Variants in TENM3 observed in about 807,000 individuals in gnomAD.
TENM3 encodes the protein teneurin transmembrane protein 3.
A neutral mutation model predicts 255.1 loss-of-function variants in TENM3; 63 were observed. The ratio of observed to expected loss-of-function variants is 0.25; its 90% CI spans 0.20 to 0.30. The LOEUF (loss-of-function observed/expected upper bound fraction) is 0.30, where lower values mean the gene tolerates loss of function less well. TENM3 is among the 10% of genes least tolerant of loss of function. The probability of loss-of-function intolerance (pLI) is 1.00; values close to 1 mark genes in which losing one functional copy is unlikely to be tolerated. For synonymous variants in TENM3, 1,306 were observed against 1,322.3 expected, an observed-to-expected ratio of 0.99 and a Z score of 0.27; for missense variants, 2,929 against 3,461.1, an observed-to-expected ratio of 0.85 and a Z score of 3.86.
chr4:181,878,300 AT>A, the TENM3 span, among the ~76,000 whole-genome samples: 2 of 151,588 alleles, frequency 1.3e-5, no homozygotes, highest in Non-Finnish European at 1.5e-5. Context: ...TGATAGAAAA[AT>A]GGGGGGAAAG....
chr4:182,473,761 A>G (rs1351421471), intron 3 of TENM3, among the ~76,000 whole-genome samples: 6 of 152,124 alleles, frequency 3.9e-5, no homozygotes, highest in Non-Finnish European at 2.9e-5. Flanking sequence ...GCTTAAGGCC[A>G]GGGGTTTGGG....
the TENM3 span, among the ~76,000 whole-genome samples, chr4:181,614,696 G>A: frequency 0.025 from 3,737 of 152,296 alleles, 62 homozygotes; most frequent in Admixed American, 0.06. Context: ...AAAATGCACA[G>A]TAGATACCTC....
At chr4:181,660,718 G>A in the TENM3 span, among the ~76,000 whole-genome samples, 1 of 152,058 alleles carries the variant, frequency 6.6e-6, no homozygotes, top group South Asian at 2.1e-4. Flanking sequence ...AAATCATTTG[G>A]TACAAAGCAC....
the TENM3 span, among the ~76,000 whole-genome samples, chr4:181,985,181 A>G: frequency 6.6e-6 from 1 of 151,972 alleles, no homozygotes; most frequent in Admixed American, 6.6e-5. Context: ...GAATGTATAT[A>G]ATTGCATCAT....
At chr4:181,630,661 C>T in the TENM3 span, among the ~76,000 whole-genome samples, 3 of 152,148 alleles carry the variant, frequency 2.0e-5, no homozygotes, top group Non-Finnish European at 2.9e-5. Context: ...GAGTGAGTTT[C>T]TTAATCCTGA....
chr4:182,073,766 T>C, the TENM3 span, among the ~76,000 whole-genome samples: 3 of 152,164 alleles, frequency 2.0e-5, no homozygotes, highest in Admixed American at 2.0e-4. Flanking sequence ...ATCTCAGTCC[T>C]TACCCCAGGG....
intron 4 of TENM3, among the ~76,000 whole-genome samples, chr4:182,621,646 ATAT>A (rs1342764801): frequency 5.3e-5 from 2 of 37,792 alleles, no homozygotes; most frequent in Non-Finnish European, 6.4e-5. Flanking sequence ...TATATAATAC[ATAT>A]TATAATATAT....
chr4:181,582,212 G>T, the TENM3 span, among the ~76,000 whole-genome samples: 2 of 152,164 alleles, frequency 1.3e-5, no homozygotes, highest in East Asian at 3.9e-4. Context: ...TGACTGTTTT[G>T]CTTTGCATAG....
chr4:181,803,326 A>G, the TENM3 span, among the ~76,000 whole-genome samples: 3 of 152,174 alleles, frequency 2.0e-5, no homozygotes, highest in Non-Finnish European at 4.4e-5. Flanking sequence ...TTCCTCACAT[A>G]CATTTATATG....
At chr4:182,023,880 A>G in the TENM3 span, among the ~76,000 whole-genome samples, 740 of 152,290 alleles carry the variant, frequency 4.9e-3, 7 homozygotes, top group African/African-American at 0.017. Flanking sequence ...ATTAATAATA[A>G]AATAATTTAG....
the TENM3 span, among the ~76,000 whole-genome samples, chr4:181,572,947 A>G: frequency 1.3e-5 from 2 of 152,028 alleles, no homozygotes; most frequent in African/African-American, 4.8e-5. Context: ...CCATGAGTTC[A>G]ATGGTTTTAA....
intron 3 of TENM3, among the ~76,000 whole-genome samples, chr4:182,564,557 T>G (rs547978448): frequency 6.8e-6 from 1 of 147,764 alleles, no homozygotes; most frequent in East Asian, 2.0e-4. Context: ...TTTTCGTTTG[T>G]TTTTTTGTTT....
chr4:182,409,724 G>A (rs1023653391), intron 3 of TENM3, among the ~76,000 whole-genome samples: 1 of 152,088 alleles, frequency 6.6e-6, no homozygotes, highest in Non-Finnish European at 1.5e-5. Context: ...AGAATATTAT[G>A]ATCTGCAATT....
chr4:182,694,344 A>G (rs1034947653), intron 12 of TENM3, among the ~76,000 whole-genome samples: 1 of 151,984 alleles, frequency 6.6e-6, no homozygotes, highest in African/African-American at 2.4e-5. Context: ...ACACTCCAGG[A>G]CGCAAGCAAT....
intron 1 of TENM3, among the ~76,000 whole-genome samples, chr4:182,246,173 A>C (rs1273396529): frequency 1.3e-5 from 2 of 152,186 alleles, no homozygotes; most frequent in African/African-American, 2.4e-5. Flanking sequence ...TCATTGATAA[A>C]ATGAATGCAA....
the TENM3 span, among the ~76,000 whole-genome samples, chr4:182,044,010 A>G: frequency 0.31 from 47,885 of 152,074 alleles, 7,798 homozygotes; most frequent in African/African-American, 0.38. Context: ...TTCGTCTTTA[A>G]TAGCTAATAT....
At chr4:182,679,538 A>G in intron 7 of TENM3, 128 bp from the exon 8 acceptor site, 5 of 709,504 alleles carry the variant, frequency 7.0e-6, no homozygotes, top group Non-Finnish European at 1.2e-5. Context: ...TACCATTTGG[A>G]CCTGTCAGGA....
chr4:181,905,094 C>T, the TENM3 span, among the ~76,000 whole-genome samples: 1 of 152,166 alleles, frequency 6.6e-6, no homozygotes, highest in African/African-American at 2.4e-5. Context: ...TTGTAAATTG[C>T]CCGGTCTCAG....
intron 3 of TENM3, among the ~76,000 whole-genome samples, chr4:182,373,738 T>G (rs1766998155): frequency 6.6e-6 from 1 of 152,302 alleles, no homozygotes; most frequent in South Asian, 2.1e-4. Flanking sequence ...GAACCAAGAC[T>G]TGAAGGGCAT....
Sources: allele counts gnomAD v4.1 joint callset (sites outside exome capture counted in the v4.1 genomes callset), GRCh38; gene constraint gnomAD v4.1.1; transcripts MANE v1.5; gene names NCBI Gene and HGNC (gene_info 2026-07-23, HGNC 2026-07-21).